Variants in CA1 observed in about 807,000 individuals in gnomAD.
CA1 encodes the protein carbonic anhydrase 1.
Under a neutral mutation model 28.8 loss-of-function variants are expected in CA1, and 27 were observed. That is an observed-to-expected ratio of 0.94 (90% confidence interval 0.69 to 1.29). The LOEUF is 1.29. CA1 is among the 50% of genes most tolerant of loss of function. The probability of loss-of-function intolerance (pLI) is 0.00; values close to 1 mark genes in which losing one functional copy is unlikely to be tolerated. For synonymous variants in CA1, 121 were observed against 108.8 expected (o/e 1.11, Z -0.70); for missense variants, 335 against 310.5 (o/e 1.08, Z -0.59).
At chr8:85,355,882 A>T (rs563384911) in intron 1 of CA1, among the ~76,000 whole-genome samples, 3 of 152,022 alleles carry the variant, frequency 2.0e-5, no homozygotes, top group Admixed American at 6.5e-5. Context: ...AAAGATCAAG[A>T]ACCTCAGCCT....
chr8:85,372,221 T>A (rs768762407), intron 1 of CA1, among the ~76,000 whole-genome samples: 2 of 150,286 alleles, frequency 1.3e-5, no homozygotes, highest in African/African-American at 2.4e-5. Context: ...AAGACCCAGG[T>A]TTTTGGGAGG....
At chr8:85,346,604 T>C (rs1319841374) in intron 1 of CA1, among the ~76,000 whole-genome samples, 2 of 151,658 alleles carry the variant, frequency 1.3e-5, no homozygotes, top group Admixed American at 1.3e-4. Flanking sequence ...TCTACTAAAA[T>C]AGAAAAAATT....
At chr8:85,355,437 AC>A (rs1564038348) in intron 1 of CA1, among the ~76,000 whole-genome samples, 1 of 151,894 alleles carries the variant, frequency 6.6e-6, no homozygotes, top group African/African-American at 2.4e-5. Context: ...TTTCTCTGTC[AC>A]CCAGGCTGGG....
chr8:85,353,944 G>A (rs1228488162), intron 1 of CA1, among the ~76,000 whole-genome samples: 1 of 151,924 alleles, frequency 6.6e-6, no homozygotes, highest in Non-Finnish European at 1.5e-5. Flanking sequence ...GACAGGGAGG[G>A]AAAGGTAATA....
At chr8:85,358,150 A>T (rs774746806) in intron 1 of CA1, among the ~76,000 whole-genome samples, 23 of 152,186 alleles carry the variant, frequency 1.5e-4, no homozygotes, top group Admixed American at 4.6e-4. Context: ...TAAGGGCAGG[A>T]ATGGGCTACT....
rs189878092 is a variant in CA1 at position 85,346,758 on chromosome 8, G to A, written c.-24-5099C>T. On this transcript the variant is annotated intron_variant, in intron 1 of 7. Coordinates refer to ENST00000523022, the MANE Select transcript of CA1 (RefSeq NM_001128831.4). ...GCCTGGGCAACAAGAGTGAAACTCC[G>A]TCTCAAAATAAATAAATAAATAATA... 8.6e-5 allele frequency among the ~76,000 whole-genome samples: 13 copies of A among 151,944 alleles called. No homozygotes were observed. The South Asian group carries it at 1.9e-3, about 22-fold the overall frequency.
chr8:85,336,919 A>G, intron 4 of CA1, 26 bp downstream of exon 4: 1 of 1,329,682 alleles, frequency 7.5e-7, no homozygotes, highest in Non-Finnish European at 1.1e-6. Flanking sequence ...CAGGGTAATT[A>G]TCTCTCACTT....
intron 1 of CA1, among the ~76,000 whole-genome samples, chr8:85,362,144 C>T (rs1055367484): frequency 6.6e-5 from 10 of 152,164 alleles, no homozygotes; most frequent in African/African-American, 1.7e-4. Flanking sequence ...CTATGTGCCT[C>T]CTACATTCCT....
At position 85,328,561 on chromosome 8, in the gene CA1, C is replaced by T. The variant is rs756133258; in HGVS notation, c.785G>A (p.Ter262=). 3 of 1,575,452 alleles carry T rather than the reference C, an allele frequency of 1.9e-6. No individual in the cohort carries two copies. The highest frequency in any genetic ancestry group is 1.1e-5 in the South Asian group (1 of 89,956). Residue 262 remains the stop codon, a stop_retained_variant, in exon 8 of 8, where the codon TGA becomes TAA. Transcript: ENST00000523022. ...LKGRTVRASF[*] is the part of the protein sequence containing the mutation. ...AGGACAAGTTTCTTCTCAGAATCATCAAAATGAAGCTCTCACTGTTCTGCC... is the reference window on the plus strand; with the variant it reads ...AGGACAAGTTTCTTCTCAGAATCATTAAAATGAAGCTCTCACTGTTCTGCC...
intron 1 of CA1, among the ~76,000 whole-genome samples, chr8:85,349,302 A>G (rs764358015): frequency 2.6e-5 from 4 of 152,212 alleles, no homozygotes; most frequent in Admixed American, 6.5e-5. Flanking sequence ...AAAGGAAGAA[A>G]GAGGCTTTCA....
chr8:85,342,547 C>T (rs1298078287), intron 1 of CA1, among the ~76,000 whole-genome samples: 1 of 152,124 alleles, frequency 6.6e-6, no homozygotes. Flanking sequence ...ACACTAATTC[C>T]CCTCCTATGC....
intron 6 of CA1, 64 bp from the exon 7 acceptor site, chr8:85,329,908 A>T: frequency 8.2e-7 from 1 of 1,213,138 alleles, no homozygotes; most frequent in Non-Finnish European, 1.2e-6. Flanking sequence ...TATGTGACAT[A>T]TATATGCTAT....
chr8:85,331,566 C>T (rs1808402875), intron 6 of CA1, among the ~76,000 whole-genome samples: 2 of 152,094 alleles, frequency 1.3e-5, no homozygotes, highest in Non-Finnish European at 2.9e-5. Context: ...AAGCGATTCT[C>T]CTGGCTCAAT....
chr8:85,355,880 A>C (rs543852758), intron 1 of CA1, among the ~76,000 whole-genome samples: 1 of 152,206 alleles, frequency 6.6e-6, no homozygotes, highest in African/African-American at 2.4e-5. Flanking sequence ...TGAAAGATCA[A>C]GAACCTCAGC....
In CA1 at chr8:85,364,164, T is replaced by C. The variant is rs535043310; in HGVS notation, c.-25+13882A>G. Among the ~76,000 whole-genome samples, 8 of 152,228 alleles carry C rather than the reference T, an allele frequency of 5.3e-5. No individual in the cohort carries two copies. In the South Asian group the frequency reaches 1.7e-3, roughly 32 times the overall value. On this transcript the variant is annotated intron_variant, in intron 1 of 7. Coordinates refer to ENST00000523022, the MANE Select transcript of CA1 (RefSeq NM_001128831.4). ...CTATTAACCCCAAATTTATTCTGTGTCTTTCTCTCTTTACCTTCAGACTTT... is the reference window on the plus strand; with the variant it reads ...CTATTAACCCCAAATTTATTCTGTGCCTTTCTCTCTTTACCTTCAGACTTT...
intron 1 of CA1, among the ~76,000 whole-genome samples, chr8:85,350,089 TTTAC>T (rs1809348138): frequency 6.6e-6 from 1 of 152,218 alleles, no homozygotes; most frequent in Non-Finnish European, 1.5e-5. Context: ...AATTTCCTGT[TTTAC>T]TTTCTAAAAA....
At chr8:85,334,578 T>TCCTCCCTCCCTTCCTCCCTC (rs1808559261) in intron 4 of CA1, among the ~76,000 whole-genome samples, 1 of 150,616 alleles carries the variant, frequency 6.6e-6, no homozygotes, top group Non-Finnish European at 1.5e-5. Flanking sequence ...CTTCCTATTC[T>TCCTCCCTCCCTTCCTCCCTC]CCTCCCTCCC....
intron 1 of CA1, among the ~76,000 whole-genome samples, chr8:85,343,856 A>G (rs979174564): frequency 1.3e-5 from 2 of 151,874 alleles, no homozygotes; most frequent in Admixed American, 6.6e-5. Flanking sequence ...ATGAGCCTTT[A>G]TAAGTCCAAA....
intron 6 of CA1, 193 bp downstream of exon 6, chr8:85,332,297 A>C (rs1376889947): frequency 1.8e-6 from 1 of 566,404 alleles, no homozygotes; most frequent in Non-Finnish European, 3.2e-6. Context: ...ACTATGAAAA[A>C]CAGAAAACCA....
Sources: allele counts gnomAD v4.1 joint callset (sites outside exome capture counted in the v4.1 genomes callset), GRCh38; gene constraint gnomAD v4.1.1; transcripts MANE v1.5; gene names NCBI Gene and HGNC (gene_info 2026-07-23, HGNC 2026-07-21).